AHCYL2: variants seen among roughly 807,000 people sequenced by gnomAD.
The protein encoded by AHCYL2 is adenosylhomocysteinase like 2.
Under a neutral mutation model 81.4 loss-of-function variants are expected in AHCYL2, and 28 were observed. That is an observed-to-expected ratio of 0.34 (90% CI 0.25 to 0.47). The LOEUF is 0.47. Among genes scored for constraint, AHCYL2 ranks in the 20% least tolerant of loss-of-function variants. AHCYL2 has a pLI of 1.00. For synonymous variants in AHCYL2, 272 were observed against 290.2 expected, an observed-to-expected ratio of 0.94 and a Z score of 0.64; for missense variants, 551 against 785.1, an observed-to-expected ratio of 0.70 and a Z score of 3.56.
intron 1 of AHCYL2, among the ~76,000 whole-genome samples, chr7:129,266,839 G>A (rs1395575899): frequency 6.6e-6 from 1 of 152,012 alleles, no homozygotes; most frequent in Non-Finnish European, 1.5e-5. Context: ...TGCTACAAAA[G>A]ATATTAAACA....
rs143607392 is a variant in AHCYL2, at chr7:129,248,763, G to A, written c.363+23324G>A. 2.0e-5 allele frequency among the ~76,000 whole-genome samples: 3 copies of A among 151,794 alleles called. No homozygotes were observed. In the East Asian group the frequency reaches 5.8e-4, roughly 29 times the overall value. On this transcript the variant is annotated intron_variant, in intron 1 of 16. Coordinates refer to ENST00000325006, the MANE Select transcript of AHCYL2 (RefSeq NM_015328.4). ...TTCATTGAATCTGTAGGTCAATTCG[G>A]GAGAATTCCCATCTTAATGATACTG...
chr7:129,315,206 T>C (rs1309839220), intron 1 of AHCYL2, among the ~76,000 whole-genome samples: 2 of 152,204 alleles, frequency 1.3e-5, no homozygotes, highest in African/African-American at 2.4e-5. Context: ...TTATGTTGAA[T>C]AATTCTTCTA....
chr7:129,225,104 G>C lies in AHCYL2; in HGVS notation c.28G>C (p.Ala10Pro). 1 of 1,598,404 alleles carries C rather than the reference G, an allele frequency of 6.3e-7. No individual in the cohort carries two copies. Among genetic ancestry groups the C allele is most frequent in the Non-Finnish European group, 8.5e-7 (1 of 1,173,876 alleles). MSVQVVSAA[A>P]AAKVPEVELK... ...GTCGGTGCAGGTTGTGTCAGCCGCG[G>C]CTGCCGCCAAGGTGCCTGAGGTGGA... Residue 10 changes from alanine to proline, a missense_variant, in exon 1 of 17, where the codon GCT becomes CCT. By Grantham distance (27) the Ala-to-Pro change is conservative. Coordinates refer to ENST00000325006, the MANE Select transcript of AHCYL2 (RefSeq NM_015328.4).
At chr7:129,319,581 A>G (rs955301915) in intron 1 of AHCYL2, among the ~76,000 whole-genome samples, 2 of 152,204 alleles carry the variant, frequency 1.3e-5, no homozygotes, top group African/African-American at 4.8e-5. Context: ...AATAAACTCT[A>G]TTAGAGAATA....
intron 1 of AHCYL2, among the ~76,000 whole-genome samples, chr7:129,311,240 A>G (rs1797646714): frequency 6.6e-6 from 1 of 152,236 alleles, no homozygotes; most frequent in South Asian, 2.1e-4. Flanking sequence ...AAAGAAAGGA[A>G]CATGATTCAA....
intron 1 of AHCYL2, among the ~76,000 whole-genome samples, chr7:129,331,264 A>G (rs566901424): frequency 2.6e-5 from 4 of 152,326 alleles, no homozygotes; most frequent in African/African-American, 9.6e-5. Flanking sequence ...TACTTTGGCA[A>G]TAGAGAACAT....
chr7:129,299,378 T>G (rs1206721131), intron 1 of AHCYL2, among the ~76,000 whole-genome samples: 2 of 30,332 alleles, frequency 6.6e-5, no homozygotes, highest in Non-Finnish European at 1.2e-4. Flanking sequence ...TGTTTTTTTT[T>G]TTTTTTTTTT....
At chr7:129,403,351 A>G in intron 6 of AHCYL2, 28 bp from the exon 7 acceptor site, 1 of 1,504,980 alleles carries the variant, frequency 6.6e-7, no homozygotes, top group Non-Finnish European at 9.1e-7. Flanking sequence ...AGCAAAGTGA[A>G]TGATGTTATT....
rs1262808452 is a variant in AHCYL2, at chr7:129,225,297, G to T, written c.221G>T (p.Ser74Ile). ...GPGSGPAAAL[S>I]PAAGKVPQAS... ...GGCTCGGGGCCCGCCGCCGCTCTCA[G>T]CCCCGCCGCCGGGAAGGTGCCTCAG... is the stretch of plus-strand genomic sequence containing the variant. The change falls in exon 1 of 17, where the codon AGC (serine) becomes ATC (isoleucine). Residue 74 changes from serine (S) to isoleucine (I), a missense_variant. This residue lies in a region of AHCYL2 where 235 missense variants were observed against 242.1 expected (regional missense o/e 0.97). Transcript: ENST00000325006. 4.7e-6 allele frequency: 7 copies of T among 1,474,876 alleles called. No homozygotes were observed. In the Admixed American group the frequency reaches 9.6e-5, roughly 20 times the overall value. The allele number at this position is 1,474,876 out of a possible 1,614,324, so 91.4% of individuals were successfully genotyped here. A position where few individuals can be genotyped will look rare whatever the true frequency, so the allele number is the denominator to read the frequency against.
At chr7:129,275,106 G>A (rs1796155333) in intron 1 of AHCYL2, among the ~76,000 whole-genome samples, 1 of 152,206 alleles carries the variant, frequency 6.6e-6, no homozygotes, top group African/African-American at 2.4e-5. Flanking sequence ...AACATGGCCA[G>A]GCGCAGTGGC....
chr7:129,279,378 A>G (rs1182026740), intron 1 of AHCYL2, among the ~76,000 whole-genome samples: 1 of 151,990 alleles, frequency 6.6e-6, no homozygotes, highest in African/African-American at 2.4e-5. Context: ...CACACTCCCA[A>G]CCTCAGGTGA....
chr7:129,365,052 A>G (rs1794058063), intron 1 of AHCYL2, among the ~76,000 whole-genome samples: 1 of 152,224 alleles, frequency 6.6e-6, no homozygotes, highest in South Asian at 2.1e-4. Flanking sequence ...TTAAGCACCT[A>G]CTATATCGCA....
chr7:129,427,018 C>A lies in AHCYL2; in HGVS notation c.1830-21C>A. On this transcript the variant is annotated intron_variant, in intron 16 of 16. Coordinates refer to ENST00000325006, the MANE Select transcript of AHCYL2 (RefSeq NM_015328.4). This position sits in a 1 kb window ranked among gnomAD's most constrained non-coding sequence, Gnocchi z 5.5. ...CCATTAGCTGATAACATCACAGTCTCATCTTTCTTTTTCCCTCCAGGTATT... is the reference window on the plus strand; with the variant it reads ...CCATTAGCTGATAACATCACAGTCTAATCTTTCTTTTTCCCTCCAGGTATT... 1 of 1,610,128 alleles carries A rather than the reference C, an allele frequency of 6.2e-7. No homozygotes were observed. Among genetic ancestry groups the A allele is most frequent in the African/African-American group, 1.3e-5 (1 of 74,938 alleles).
intron 10 of AHCYL2, among the ~76,000 whole-genome samples, chr7:129,408,656 G>A (rs1796415561): frequency 6.6e-6 from 1 of 152,156 alleles, no homozygotes; most frequent in Non-Finnish European, 1.5e-5. Flanking sequence ...CTAAGCTAAA[G>A]TTACAAATGT....
intron 12 of AHCYL2, among the ~76,000 whole-genome samples, chr7:129,418,093 G>A (rs578225400): frequency 6.6e-6 from 1 of 152,232 alleles, no homozygotes; most frequent in African/African-American, 2.4e-5. Context: ...TGCTTGATGT[G>A]TTTGAGGAAA....
chr7:129,375,969 C>G, intron 1 of AHCYL2: 1 of 1,535,162 alleles, frequency 6.5e-7, no homozygotes, highest in Non-Finnish European at 8.7e-7. Flanking sequence ...GCTGCTATAG[C>G]CATTATTGTA....
chr7:129,246,850 T>C (rs1795079248), intron 1 of AHCYL2, among the ~76,000 whole-genome samples: 1 of 152,160 alleles, frequency 6.6e-6, no homozygotes, highest in Non-Finnish European at 1.5e-5. Flanking sequence ...GTGTGTGGCT[T>C]TTCCACTTGA....
At chr7:129,310,688 T>A (rs188042544) in intron 1 of AHCYL2, among the ~76,000 whole-genome samples, 47 of 152,232 alleles carry the variant, frequency 3.1e-4, no homozygotes, top group Non-Finnish European at 4.1e-4. Flanking sequence ...GAGACATTAT[T>A]TGTAGGGAAG....
chr7:129,350,055 T>G (rs1418108264), intron 1 of AHCYL2, among the ~76,000 whole-genome samples: 2 of 152,212 alleles, frequency 1.3e-5, no homozygotes, highest in African/African-American at 4.8e-5. Context: ...ATTTATACTG[T>G]GGTCATTTTT....
Sources: gnomAD v4.1 joint callset for allele counts (sites outside exome capture counted in the v4.1 genomes callset) on GRCh38, gnomAD v4.1.1 for gene constraint, gnomAD v4.1.1 regional missense constraint, Gnocchi (gnomAD v3.1) non-coding constraint, MANE v1.5 for transcripts, NCBI Gene and HGNC (gene_info 2026-07-23, HGNC 2026-07-21) for gene names.